Variants in PLCB1 observed in about 807,000 individuals in gnomAD.
The protein encoded by PLCB1 is 1-phosphatidylinositol 4,5-bisphosphate phosphodiesterase beta-1.
Under a neutral mutation model 161.8 loss-of-function variants are expected in PLCB1, and 46 were observed. That is an observed-to-expected ratio of 0.28 (90% CI 0.22 to 0.36). The LOEUF is 0.36. PLCB1 is among the 10% of genes least tolerant of loss of function. The probability of loss-of-function intolerance (pLI) is 1.00; values close to 1 mark genes in which losing one functional copy is unlikely to be tolerated. For missense variants in PLCB1, 1,016 were observed against 1,472.5 expected (o/e 0.69, Z 5.07); for synonymous variants, 517 against 503.7 (o/e 1.03, Z -0.35).
chr20:8,636,152 CA>C (rs1988756747), intron 4 of PLCB1, among the ~76,000 whole-genome samples: 1 of 152,132 alleles, frequency 6.6e-6, no homozygotes, highest in Non-Finnish European at 1.5e-5. Context: ...GAAAACTGTG[CA>C]TGACTTCCTT....
intron 11 of PLCB1, among the ~76,000 whole-genome samples, chr20:8,703,119 A>C (rs1306671232): frequency 2.6e-5 from 4 of 152,188 alleles, no homozygotes; most frequent in Non-Finnish European, 5.9e-5. Context: ...TCTTCCATTT[A>C]GTCACTGCAA....
At chr20:8,402,242 A>G (rs1205390763) in intron 3 of PLCB1, among the ~76,000 whole-genome samples, 1 of 152,078 alleles carries the variant, frequency 6.6e-6, no homozygotes, top group Admixed American at 6.6e-5. Context: ...TTTTATTGGT[A>G]TTTCTTTAAG....
chr20:8,371,586 CA>C, intron 3 of PLCB1, 136 bp downstream of exon 3: 1 of 532,100 alleles, frequency 1.9e-6, no homozygotes, highest in Non-Finnish European at 3.3e-6. Flanking sequence ...ATGCCCTAAA[CA>C]CTTTCACTTT....
intron 2 of PLCB1, among the ~76,000 whole-genome samples, chr20:8,297,415 A>G (rs573607553): frequency 1.3e-5 from 2 of 152,302 alleles, no homozygotes; most frequent in East Asian, 3.9e-4. Flanking sequence ...AATAATGTTC[A>G]ATATCTGGAA....
intron 4 of PLCB1, among the ~76,000 whole-genome samples, chr20:8,638,617 G>A (rs1348824391): frequency 6.6e-6 from 1 of 152,152 alleles, no homozygotes; most frequent in African/African-American, 2.4e-5. Context: ...TCAAGAAACA[G>A]AACTAGGACG....
intron 3 of PLCB1, among the ~76,000 whole-genome samples, chr20:8,471,402 G>C (rs928102202): frequency 6.6e-6 from 1 of 152,112 alleles, no homozygotes; most frequent in African/African-American, 2.4e-5. Flanking sequence ...TTGCTTTAAG[G>C]ATGTTAATTT....
In PLCB1 at chr20:8,848,080, C is replaced by T. The variant is rs8115524; in HGVS notation, c.3424-33542C>T. ...CAAAAGCCTTTCTAAGGACCTTAAT[C>T]ACACTCATGAAAAAGGGCCCTCTTG... On this transcript the variant is annotated intron_variant, in intron 31 of 31. Transcript: ENST00000338037. Among the ~76,000 whole-genome samples, 1,329 of 152,234 alleles carry T rather than the reference C, an allele frequency of 8.7e-3. 23 individuals are homozygous for T. The highest frequency in any genetic ancestry group is 0.03 in the African/African-American group (1,239 of 41,542).
At chr20:8,260,795 G>A (rs1035240544) in intron 2 of PLCB1, among the ~76,000 whole-genome samples, 1 of 152,080 alleles carries the variant, frequency 6.6e-6, no homozygotes, top group Non-Finnish European at 1.5e-5. Context: ...TATACCCAAG[G>A]CATGTGCATT....
intron 2 of PLCB1, among the ~76,000 whole-genome samples, chr20:8,255,279 G>A (rs1981355450): frequency 6.6e-6 from 1 of 151,944 alleles, no homozygotes; most frequent in African/African-American, 2.4e-5. Flanking sequence ...GAGGTAGTAA[G>A]GATAAATATT....
At chr20:8,628,489 A>T in intron 4 of PLCB1, 58 bp downstream of exon 4, 2 of 1,562,116 alleles carry the variant, frequency 1.3e-6, no homozygotes, top group Non-Finnish European at 1.8e-6. Context: ...TTGAGCTATC[A>T]TACTAATGCC....
At chr20:8,470,621 T>C (rs924075808) in intron 3 of PLCB1, among the ~76,000 whole-genome samples, 1 of 152,154 alleles carries the variant, frequency 6.6e-6, no homozygotes, top group Non-Finnish European at 1.5e-5. Flanking sequence ...CACAGCTCAC[T>C]GCAGCCTTGA....
intron 2 of PLCB1, among the ~76,000 whole-genome samples, chr20:8,196,102 G>A (rs57261090): frequency 0.037 from 5,577 of 152,042 alleles, 339 homozygotes; most frequent in African/African-American, 0.12. Context: ...GGGGGAACCC[G>A]CCCCATCATT....
At chr20:8,162,830 G>T (rs1256871136) in intron 2 of PLCB1, among the ~76,000 whole-genome samples, 2 of 152,202 alleles carry the variant, frequency 1.3e-5, no homozygotes, top group Non-Finnish European at 2.9e-5. Flanking sequence ...ATTTTTAGAT[G>T]AACACTTGGT....
At chr20:8,188,453 G>A (rs73895578) in intron 2 of PLCB1, among the ~76,000 whole-genome samples, 7,323 of 152,192 alleles carry the variant, frequency 0.048, 566 homozygotes, top group African/African-American at 0.16. Flanking sequence ...AATTGGGGTT[G>A]GTTACGTGCA....
chr20:8,342,742 C>A (rs1488741429), intron 2 of PLCB1, among the ~76,000 whole-genome samples: 4 of 152,162 alleles, frequency 2.6e-5, no homozygotes, highest in Non-Finnish European at 4.4e-5. Flanking sequence ...CCCTTGTCTG[C>A]TGCCTATTAC....
chr20:8,784,274 T>G (rs1600324656), intron 27 of PLCB1, among the ~76,000 whole-genome samples: 1 of 152,092 alleles, frequency 6.6e-6, no homozygotes, highest in Middle Eastern at 3.4e-3. Flanking sequence ...TTCTGAAAAC[T>G]AGCTGAGGTC....
At chr20:8,588,845 C>T (rs7265800) in intron 3 of PLCB1, among the ~76,000 whole-genome samples, 4,006 of 152,286 alleles carry the variant, frequency 0.026, 164 homozygotes, top group African/African-American at 0.088. Context: ...GTTTTCTGCA[C>T]TGTGGCTTTT....
chr20:8,353,833 A>G (rs1292801979), intron 2 of PLCB1, among the ~76,000 whole-genome samples: 1 of 152,124 alleles, frequency 6.6e-6, no homozygotes, highest in African/African-American at 2.4e-5. Context: ...GGTCAAAACT[A>G]AGGAATATCA....
chr20:8,191,513 A>G (rs1207986800), intron 2 of PLCB1, among the ~76,000 whole-genome samples: 1 of 151,920 alleles, frequency 6.6e-6, no homozygotes, highest in Non-Finnish European at 1.5e-5. Context: ...GAACAAGAAC[A>G]TTTTTTACGT....
Sources: gnomAD v4.1 joint callset for allele counts (sites outside exome capture counted in the v4.1 genomes callset) on GRCh38, gnomAD v4.1.1 for gene constraint, MANE v1.5 for transcripts, NCBI Gene and HGNC (gene_info 2026-07-23, HGNC 2026-07-21) for gene names.